OXR1: variants seen among roughly 807,000 people sequenced by gnomAD.
The protein encoded by OXR1 is oxidation resistance 1.
A neutral mutation model predicts 104.6 loss-of-function variants in OXR1; 41 were observed. The observed-to-expected ratio is 0.39, with a 90% CI of 0.31 to 0.51. The LOEUF is 0.51. OXR1 is among the 20% of genes least tolerant of loss of function. The pLI, the probability that OXR1 is intolerant of heterozygous loss-of-function variation, is 0.77. For missense variants in OXR1, 955 were observed against 1,031.9 expected, an observed-to-expected ratio of 0.93 and a Z score of 1.02; for synonymous variants, 348 against 348.4, an observed-to-expected ratio of 1.00 and a Z score of 0.01.
chr8:106,491,199 T>G (rs1811061346), intron 2 of OXR1, among the ~76,000 whole-genome samples: 1 of 152,226 alleles, frequency 6.6e-6, no homozygotes, highest in Non-Finnish European at 1.5e-5. Context: ...CTGCCAATCT[T>G]ACTTAGATAC....
intron 1 of OXR1, among the ~76,000 whole-genome samples, chr8:106,286,167 A>T (rs1052096596): frequency 6.6e-6 from 1 of 152,136 alleles, no homozygotes; most frequent in Non-Finnish European, 1.5e-5. Context: ...AGCTATTAGG[A>T]TTCTTGCCTA....
At chr8:106,465,792 A>C (rs990702714) in intron 2 of OXR1, among the ~76,000 whole-genome samples, 3 of 152,014 alleles carry the variant, frequency 2.0e-5, no homozygotes, top group Admixed American at 2.0e-4. Context: ...CACTAGATTT[A>C]GAGTGGATAA....
At chr8:106,745,914 C>A in intron 16 of OXR1, 52 bp downstream of exon 16, 1 of 925,724 alleles carries the variant, frequency 1.1e-6, no homozygotes, top group Non-Finnish European at 1.7e-6. Context: ...TTTAAAAATG[C>A]ATTTGGATTA....
chr8:106,642,289 G>A (rs187257080), intron 3 of OXR1, among the ~76,000 whole-genome samples: 19 of 152,258 alleles, frequency 1.2e-4, no homozygotes, highest in African/African-American at 4.6e-4. Context: ...AGGAATCATA[G>A]TGTATTTTTG....
At chr8:106,600,423 C>T (rs1030672966) in intron 3 of OXR1, among the ~76,000 whole-genome samples, 5 of 152,158 alleles carry the variant, frequency 3.3e-5, no homozygotes, top group African/African-American at 4.8e-5. Flanking sequence ...CTTGAGCACT[C>T]CTACCAGTGG....
chr8:106,477,459 G>T (rs1821869403), intron 2 of OXR1, among the ~76,000 whole-genome samples: 1 of 151,896 alleles, frequency 6.6e-6, no homozygotes, highest in Admixed American at 6.6e-5. Context: ...GCATCTTTAT[G>T]TTTGTTTACT....
chr8:106,276,256 CCA>C (rs1812032318), intron 1 of OXR1, among the ~76,000 whole-genome samples: 1 of 152,170 alleles, frequency 6.6e-6, no homozygotes, highest in African/African-American at 2.4e-5. Flanking sequence ...GTCTGGGACC[CCA>C]CTGACCAAAA....
intron 2 of OXR1, among the ~76,000 whole-genome samples, chr8:106,439,404 GAA>G (rs149305889): frequency 7.3e-5 from 11 of 151,044 alleles, no homozygotes; most frequent in African/African-American, 2.2e-4. Context: ...AGAACTGTGA[GAA>G]AAAAAAAGTT....
chr8:106,464,554 C>A (rs1821076675), intron 2 of OXR1, among the ~76,000 whole-genome samples: 1 of 151,876 alleles, frequency 6.6e-6, no homozygotes, highest in African/African-American at 2.4e-5. Context: ...AGTGCAGGAG[C>A]TTTCGACGTG....
At chr8:106,319,297 G>A (rs746559838) in intron 1 of OXR1, among the ~76,000 whole-genome samples, 7 of 152,158 alleles carry the variant, frequency 4.6e-5, no homozygotes, top group Admixed American at 2.0e-4. Flanking sequence ...CCTCTTTGCC[G>A]CAGAGCCAGA....
intron 9 of OXR1, among the ~76,000 whole-genome samples, chr8:106,709,885 G>A (rs1831523395): frequency 6.6e-6 from 1 of 152,058 alleles, no homozygotes; most frequent in Non-Finnish European, 1.5e-5. Context: ...CATGAAAATA[G>A]TGGGGTTCCC....
chr8:106,729,172 G>A (rs567342683), intron 11 of OXR1, among the ~76,000 whole-genome samples: 9 of 152,134 alleles, frequency 5.9e-5, no homozygotes, highest in Middle Eastern at 3.4e-3. Context: ...TCACAACCCT[G>A]TGGAATATTA....
chr8:106,426,418 A>G (rs1055874261), intron 2 of OXR1, among the ~76,000 whole-genome samples: 5 of 152,014 alleles, frequency 3.3e-5, no homozygotes, highest in Non-Finnish European at 7.4e-5. Flanking sequence ...CTTGAAAAAC[A>G]TTTGTATTTA....
intron 1 of OXR1, among the ~76,000 whole-genome samples, chr8:106,325,626 C>G (rs1369331756): frequency 6.6e-6 from 1 of 152,162 alleles, no homozygotes; most frequent in Non-Finnish European, 1.5e-5. Context: ...TGATTCTTTA[C>G]CACTCTTGTT....
chr8:106,614,840 ACTCT>A (rs1177300302), intron 3 of OXR1, among the ~76,000 whole-genome samples: 1 of 152,108 alleles, frequency 6.6e-6, no homozygotes, highest in Non-Finnish European at 1.5e-5. Context: ...TGGTTTTATA[ACTCT>A]CTCATTCATA....
chr8:106,409,829 A>T (rs1391703916), intron 2 of OXR1, among the ~76,000 whole-genome samples: 1 of 152,172 alleles, frequency 6.6e-6, no homozygotes, highest in African/African-American at 2.4e-5. Context: ...TTGTGAATTA[A>T]ATGATTTATT....
intron 3 of OXR1, among the ~76,000 whole-genome samples, chr8:106,594,371 G>A (rs3110430): frequency 0.59 from 90,084 of 152,034 alleles, 27,553 homozygotes; most frequent in African/African-American, 0.75. Flanking sequence ...TTCATCGTCT[G>A]TTTCCACTGG....
chr8:106,618,170 C>T, intron 3 of OXR1: 1 of 1,536,004 alleles, frequency 6.5e-7, no homozygotes, highest in Non-Finnish European at 8.7e-7. Flanking sequence ...CAGAAATGTT[C>T]TGCCAGCGCA....
intron 3 of OXR1, among the ~76,000 whole-genome samples, chr8:106,639,647 A>G (rs1485864265): frequency 6.6e-6 from 1 of 152,200 alleles, no homozygotes; most frequent in African/African-American, 2.4e-5. Flanking sequence ...GTCTAATTTA[A>G]GGCAGATCTC....
Sources: allele counts gnomAD v4.1 joint callset (sites outside exome capture counted in the v4.1 genomes callset), GRCh38; gene constraint gnomAD v4.1.1; transcripts MANE v1.5; gene names NCBI Gene and HGNC (gene_info 2026-07-23, HGNC 2026-07-21).